The following PPP1R1C variants were observed in gnomAD, a reference collection of about 807,000 sequenced individuals.
The protein encoded by PPP1R1C is protein phosphatase 1 regulatory inhibitor subunit 1C.
PPP1R1C carries 15 observed loss-of-function variants against 17.4 expected under a neutral mutation model. That is an observed-to-expected ratio of 0.86 (90% CI 0.58 to 1.33). PPP1R1C has a LOEUF of 1.33. Ranked by LOEUF, PPP1R1C falls within the 40% of genes most tolerant of loss-of-function variation. The pLI is 0.00. For missense variants in PPP1R1C, 143 were observed against 130.0 expected (o/e 1.10, Z -0.48); for synonymous variants, 35 against 43.1 (o/e 0.81, Z 0.73).
At position 181,962,232 on chromosome 2, in the gene PPP1R1C, T is replaced by G. The variant is rs1684811491; in HGVS notation, n.111+7598T>G. ...AGACGGTCATTCAGGCTTTGCATTG[T>G]CTCCTTCTTATTCTGGATGCCTCCC... is the stretch of plus-strand genomic sequence containing the variant. On this transcript the variant is annotated intron_variant and non_coding_transcript_variant, in intron 1 of 5. Coordinates refer to the PPP1R1C transcript ENST00000464264. The surrounding 1 kb of genome is among the most constrained non-coding windows in gnomAD (Gnocchi z 6.0). 1 of 733,578 alleles carries G rather than the reference T, an allele frequency of 1.4e-6. No homozygotes were observed. Among genetic ancestry groups the G allele is most frequent in the African/African-American group, 1.7e-5 (1 of 57,450 alleles). 45.4% of individuals were successfully genotyped at this position (733,578 alleles called of 1,614,324 possible).
At chr2:182,058,733 G>A (rs1189464831) in intron 2 of PPP1R1C, among the ~76,000 whole-genome samples, 1 of 152,100 alleles carries the variant, frequency 6.6e-6, no homozygotes, top group East Asian at 1.9e-4. Flanking sequence ...TAGATATTAT[G>A]TATGCTCTAC....
intron 4 of PPP1R1C, among the ~76,000 whole-genome samples, chr2:182,115,121 A>G (rs967148325): frequency 2.0e-5 from 3 of 152,096 alleles, no homozygotes; most frequent in African/African-American, 7.2e-5. Flanking sequence ...ACCTTTGCAA[A>G]CCTGGCAAGA....
In PPP1R1C at chr2:181,986,070, T is replaced by G; in HGVS notation, c.-41T>G. 6.6e-7 allele frequency: 1 copy of G among 1,524,272 alleles called. No homozygotes were observed. The highest frequency in any genetic ancestry group is 1.1e-5 in the South Asian group (1 of 89,228). The allele number at this position is 1,524,272 out of a possible 1,614,324, so 94.4% of individuals were successfully genotyped here. A position where few individuals can be genotyped will look rare whatever the true frequency, so the allele number is the denominator to read the frequency against. ...CCCGGACACCACTTAGGGTTAGTCT[T>G]TCTGAGCTCTTCACATCTCTGACTA... On this transcript the variant is annotated 5_prime_UTR_variant, in exon 1 of 5. Transcript: ENST00000682840.
intron 2 of PPP1R1C, among the ~76,000 whole-genome samples, chr2:182,000,006 C>T (rs530195587): frequency 3.7e-4 from 57 of 152,266 alleles, no homozygotes; most frequent in African/African-American, 1.3e-3. Context: ...GTCATCTTCC[C>T]TTCCCTTCCA....
upstream of PPP1R1C, among the ~76,000 whole-genome samples, chr2:181,981,660 G>A (rs1341355755): frequency 6.6e-6 from 1 of 152,112 alleles, no homozygotes. Flanking sequence ...TCTCCAACAG[G>A]TTACATTGAA....
chr2:182,070,207 G>A (rs987821406), intron 4 of PPP1R1C, among the ~76,000 whole-genome samples: 7 of 152,300 alleles, frequency 4.6e-5, no homozygotes, highest in African/African-American at 1.7e-4. Flanking sequence ...AGAGTAAAAT[G>A]GACTAGGTCA....
At chr2:181,956,674 T>A (rs188082057) in intron 1 of PPP1R1C, among the ~76,000 whole-genome samples, 8 of 152,374 alleles carry the variant, frequency 5.3e-5, no homozygotes, top group Admixed American at 3.9e-4. Flanking sequence ...TCATGTTTTT[T>A]TGGCCACATA....
chr2:182,111,500 C>T (rs1477243187), intron 4 of PPP1R1C, among the ~76,000 whole-genome samples: 5 of 152,034 alleles, frequency 3.3e-5, no homozygotes, highest in Admixed American at 3.3e-4. Flanking sequence ...AAATAATATG[C>T]TTTTAATTTT....
chr2:182,069,246 C>T (rs1346188837), intron 4 of PPP1R1C, among the ~76,000 whole-genome samples: 1 of 151,750 alleles, frequency 6.6e-6, no homozygotes. Flanking sequence ...TAACAAGGAA[C>T]ATTCTAAATA....
chr2:181,996,481 G>A (rs1366823668), intron 2 of PPP1R1C, among the ~76,000 whole-genome samples: 3 of 152,002 alleles, frequency 2.0e-5, no homozygotes, highest in African/African-American at 2.4e-5. Context: ...TCTGGGCTTG[G>A]GTAGAATATT....
chr2:182,115,976 C>T (rs903080668), intron 4 of PPP1R1C, among the ~76,000 whole-genome samples: 10 of 152,030 alleles, frequency 6.6e-5, no homozygotes, highest in Admixed American at 3.3e-4. Flanking sequence ...AAATTGCCCA[C>T]GTTAACTATC....
At chr2:182,021,910 A>C (rs192814574) in intron 2 of PPP1R1C, among the ~76,000 whole-genome samples, 9 of 152,320 alleles carry the variant, frequency 5.9e-5, no homozygotes, top group Admixed American at 1.3e-4. Context: ...CTTGATACTT[A>C]TCTGTGAGGC....
Position 181,957,294 on chromosome 2 carries a change from T to C in PPP1R1C, n.111+2660T>C, listed in dbSNP as rs564414973. Reference sequence around the variant, plus strand: ...ATTGCTTGAACCCGGGAGGTGGAGGTTGTGGTAAGCCGAGGTAGCGCCACT... The same window carrying C: ...ATTGCTTGAACCCGGGAGGTGGAGGCTGTGGTAAGCCGAGGTAGCGCCACT... On this transcript the variant is annotated intron_variant and non_coding_transcript_variant, in intron 1 of 5. Coordinates refer to the PPP1R1C transcript ENST00000464264. This position sits in a 1 kb window ranked among gnomAD's most constrained non-coding sequence, Gnocchi z 4.2. 6.6e-6 allele frequency among the ~76,000 whole-genome samples: 1 copy of C among 151,910 alleles called. No individual in the cohort carries two copies. The highest frequency in any genetic ancestry group is 2.4e-5 in the African/African-American group (1 of 41,318).
rs893221019 is a variant in PPP1R1C, at chr2:181,976,164, C to A, written n.157+900C>A. Among the ~76,000 whole-genome samples, 19 of 152,030 alleles carry A rather than the reference C, an allele frequency of 1.2e-4. No homozygotes were observed. Among genetic ancestry groups the A allele is most frequent in the Non-Finnish European group, 8.8e-5 (6 of 67,956 alleles). Reference sequence around the variant, plus strand: ...CCCCATTAACATCTCAGAATATATTCTTCCAAACATTTTTCACACATCACA... The same window carrying A: ...CCCCATTAACATCTCAGAATATATTATTCCAAACATTTTTCACACATCACA... On this transcript the variant is annotated intron_variant and non_coding_transcript_variant, in intron 2 of 5. Coordinates refer to the PPP1R1C transcript ENST00000464264. The surrounding 1 kb of genome is among the most constrained non-coding windows in gnomAD (Gnocchi z 4.8).
chr2:182,084,954 A>G (rs1467864474), intron 4 of PPP1R1C, among the ~76,000 whole-genome samples: 1 of 151,988 alleles, frequency 6.6e-6, no homozygotes, highest in Non-Finnish European at 1.5e-5. Flanking sequence ...TAGTTCTTGT[A>G]GAGATCTTTT....
rs549770219 is a variant in PPP1R1C at position 182,083,843 on chromosome 2, T to A, written c.241+20052T>A. Among the ~76,000 whole-genome samples the A allele has an allele frequency of 1.1e-4, 17 of 152,316 alleles. No homozygotes were observed. In the South Asian group the frequency reaches 3.5e-3, roughly 32 times the overall value. Reference sequence around the variant, plus strand: ...TTAGTTCTTCGAGAAATCTCCATACTGTTTTCCATAGAGGTTGTACTAATT... The same window carrying A: ...TTAGTTCTTCGAGAAATCTCCATACAGTTTTCCATAGAGGTTGTACTAATT... On this transcript the variant is annotated intron_variant, in intron 4 of 4. Transcript: ENST00000682840.
intron 2 of PPP1R1C, among the ~76,000 whole-genome samples, chr2:182,020,952 C>T (rs1227418900): frequency 1.3e-5 from 2 of 152,184 alleles, no homozygotes; most frequent in Non-Finnish European, 2.9e-5. Flanking sequence ...GCTTATCTGT[C>T]TTGATATCTA....
intron 2 of PPP1R1C, among the ~76,000 whole-genome samples, chr2:181,990,184 G>T (rs1574356760): frequency 6.6e-6 from 1 of 151,830 alleles, no homozygotes; most frequent in East Asian, 1.9e-4. Flanking sequence ...TGTCGCCCAG[G>T]CTTGAGTGCA....
intron 2 of PPP1R1C, among the ~76,000 whole-genome samples, chr2:181,980,645 CT>C (rs1685175306): frequency 6.6e-6 from 1 of 152,132 alleles, no homozygotes; most frequent in South Asian, 2.1e-4. Context: ...TATGGACTTG[CT>C]ACAAACTCTT....
Sources: allele counts gnomAD v4.1 joint callset (sites outside exome capture counted in the v4.1 genomes callset), GRCh38; gene constraint gnomAD v4.1.1; non-coding constraint Gnocchi (gnomAD v3.1); transcripts MANE v1.5; gene names NCBI Gene and HGNC (gene_info 2026-07-23, HGNC 2026-07-21).